The following ADARB2 variants were observed in gnomAD, a reference collection of about 807,000 sequenced individuals.
ADARB2 encodes the protein inactive double-stranded RNA-specific editase B2.
ADARB2 carries 25 observed loss-of-function variants against 62.2 expected under a neutral mutation model. The ratio of observed to expected loss-of-function variants is 0.40; its 90% CI spans 0.29 to 0.56. ADARB2 has a LOEUF of 0.56. Ranked by LOEUF, ADARB2 falls within the 20% of genes least tolerant of loss-of-function variation. ADARB2 has a pLI of 0.43. For synonymous variants in ADARB2, 572 were observed against 500.8 expected, an observed-to-expected ratio of 1.14 and a Z score of -1.90; for missense variants, 1,071 against 1,077.4, an observed-to-expected ratio of 0.99 and a Z score of 0.08.
chr10:1,692,669 T>TAAAG (rs1834688255), intron 1 of ADARB2, among the ~76,000 whole-genome samples: 1 of 151,946 alleles, frequency 6.6e-6, no homozygotes, highest in African/African-American at 2.4e-5. Context: ...AAGGCCTGTC[T>TAAAG]AAAGTAAACA....
At chr10:1,241,651 G>A (rs1830925730) in intron 5 of ADARB2, among the ~76,000 whole-genome samples, 1 of 152,224 alleles carries the variant, frequency 6.6e-6, no homozygotes, top group Non-Finnish European at 1.5e-5. Flanking sequence ...AGCAGGCCAG[G>A]GAACCCTGGG....
At chr10:1,530,900 ACTCAGCACTCAGGT>A (rs1195181896) in intron 1 of ADARB2, among the ~76,000 whole-genome samples, 48 of 151,036 alleles carry the variant, frequency 3.2e-4, no homozygotes, top group African/African-American at 1.1e-3. Context: ...AGGTCTCAGC[ACTCAGCACTCAGGT>A]CTCAGCACTC....
intron 4 of ADARB2, among the ~76,000 whole-genome samples, chr10:1,256,786 A>G (rs1274886408): frequency 2.6e-5 from 4 of 152,180 alleles, no homozygotes; most frequent in Non-Finnish European, 2.9e-5. Flanking sequence ...CAATTAATAG[A>G]TTGAAAAGTC....
chr10:1,629,804 A>G (rs1302088248), intron 1 of ADARB2, among the ~76,000 whole-genome samples: 1 of 152,104 alleles, frequency 6.6e-6, no homozygotes, highest in Admixed American at 6.5e-5. Context: ...GTTACACAAC[A>G]GCCTTGCACA....
At chr10:1,565,235 C>T (rs941780451) in intron 1 of ADARB2, among the ~76,000 whole-genome samples, 10 of 152,306 alleles carry the variant, frequency 6.6e-5, no homozygotes, top group African/African-American at 2.4e-4. Context: ...TATTTATGTG[C>T]ATTATTCTGG....
chr10:1,617,522 C>T (rs1833656880), intron 1 of ADARB2, among the ~76,000 whole-genome samples: 1 of 149,000 alleles, frequency 6.7e-6, no homozygotes. Flanking sequence ...GCTCTGCCTC[C>T]TGGGAACTGA....
At chr10:1,272,434 C>T (rs1831271442) in intron 3 of ADARB2, among the ~76,000 whole-genome samples, 1 of 152,250 alleles carries the variant, frequency 6.6e-6, no homozygotes, top group African/African-American at 2.4e-5. Context: ...ACAGCCCTGC[C>T]TGCCAGAAGC....
chr10:1,397,800 C>A (rs865827331), intron 1 of ADARB2, among the ~76,000 whole-genome samples: 19 of 48,586 alleles, frequency 3.9e-4, no homozygotes, highest in Non-Finnish European at 6.9e-4. Flanking sequence ...GGTCACCGTC[C>A]GTCTCTCCCC....
chr10:1,318,700 C>G (rs1831765334), intron 3 of ADARB2, among the ~76,000 whole-genome samples: 1 of 152,178 alleles, frequency 6.6e-6, no homozygotes, highest in African/African-American at 2.4e-5. Flanking sequence ...TCTGTGACCT[C>G]TAAAGTGTTG....
At chr10:1,312,202 C>T (rs1025406332) in intron 3 of ADARB2, among the ~76,000 whole-genome samples, 3 of 152,212 alleles carry the variant, frequency 2.0e-5, no homozygotes, top group African/African-American at 7.2e-5. Context: ...TTGGAGCATG[C>T]GAACCTTGGT....
intron 1 of ADARB2, among the ~76,000 whole-genome samples, chr10:1,463,949 T>A (rs1222712565): frequency 6.6e-6 from 1 of 152,136 alleles, no homozygotes; most frequent in Non-Finnish European, 1.5e-5. Context: ...CATCAGTCAT[T>A]AGGAAAGCGC....
In ADARB2 at chr10:1,441,936, G is replaced by A. The variant is rs919206238; in HGVS notation, c.101-62776C>T. On this transcript the variant is annotated intron_variant, in intron 1 of 9. Transcript: ENST00000381312. ...ATTACAAGTCAATTCCCAAGTAAAT[G>A]TGTGGATATTCAACACCCTGGTCCC... Among the ~76,000 whole-genome samples, 7 of 152,250 alleles carry A rather than the reference G, an allele frequency of 4.6e-5. No individual in the cohort carries two copies. The South Asian group carries it at 8.3e-4, about 18-fold the overall frequency.
At chr10:1,301,733 T>C (rs10794737) in intron 3 of ADARB2, among the ~76,000 whole-genome samples, 70,689 of 152,080 alleles carry the variant, frequency 0.46, 17,950 homozygotes, top group East Asian at 0.8. Flanking sequence ...AATTTTGTGC[T>C]AACACCTCTG....
chr10:1,419,178 C>G (rs1219075545), intron 1 of ADARB2, among the ~76,000 whole-genome samples: 3 of 152,150 alleles, frequency 2.0e-5, no homozygotes, highest in Non-Finnish European at 4.4e-5. Flanking sequence ...ACTGCAACCT[C>G]CACCTCCCAG....
At chr10:1,380,443 G>C (rs1481083945) in intron 1 of ADARB2, among the ~76,000 whole-genome samples, 1 of 152,232 alleles carries the variant, frequency 6.6e-6, no homozygotes, top group East Asian at 1.9e-4. Context: ...GTCCACAGGT[G>C]CCCCACCGTG....
chr10:1,264,333 G>A (rs892838334), intron 4 of ADARB2, among the ~76,000 whole-genome samples: 1 of 152,170 alleles, frequency 6.6e-6, no homozygotes, highest in African/African-American at 2.4e-5. Context: ...TCATTCAGGG[G>A]AGACAACGGA....
chr10:1,560,064 G>A (rs59858453), intron 1 of ADARB2, among the ~76,000 whole-genome samples: 2,605 of 152,236 alleles, frequency 0.017, 76 homozygotes, highest in African/African-American at 0.057. Context: ...TGAGATTTTC[G>A]TCTTCCAAGG....
At chr10:1,413,985 G>A (rs543611368) in intron 1 of ADARB2, among the ~76,000 whole-genome samples, 5 of 152,268 alleles carry the variant, frequency 3.3e-5, no homozygotes, top group South Asian at 2.1e-4. Flanking sequence ...ATGTGTGCTC[G>A]CTGGGTGCCA....
At chr10:1,382,638 AT>A (rs1239046893) in intron 1 of ADARB2, among the ~76,000 whole-genome samples, 1 of 151,072 alleles carries the variant, frequency 6.6e-6, no homozygotes, top group Non-Finnish European at 1.5e-5. Flanking sequence ...GATTTTTTGC[AT>A]GTTTCTCATT....
Sources: allele counts gnomAD v4.1 joint callset (sites outside exome capture counted in the v4.1 genomes callset), GRCh38; gene constraint gnomAD v4.1.1; transcripts MANE v1.5; gene names NCBI Gene and HGNC (gene_info 2026-07-23, HGNC 2026-07-21).